The following ARID3A variants were observed in gnomAD, a reference collection of about 807,000 sequenced individuals.
ARID3A encodes the protein AT-rich interaction domain 3A, also known as AT-rich interactive domain-containing protein 3A.
A neutral mutation model predicts 52.7 loss-of-function variants in ARID3A; 11 were observed. That is an observed-to-expected ratio of 0.21 (90% confidence interval 0.13 to 0.35). The LOEUF is 0.35. ARID3A is among the 10% of genes least tolerant of loss of function. The pLI, the probability that ARID3A is intolerant of heterozygous loss-of-function variation, is 1.00. For synonymous variants in ARID3A, 404 were observed against 359.4 expected (o/e 1.12, Z -1.40); for missense variants, 721 against 838.5 (o/e 0.86, Z 1.73).
At chr19:949,225 G>A (rs560818856) in intron 3 of ARID3A, among the ~76,000 whole-genome samples, 81 of 152,232 alleles carry the variant, frequency 5.3e-4, no homozygotes, top group African/African-American at 1.3e-3. Context: ...GCTGGGTCCC[G>A]CCCTGCCCAC....
chr19:969,945 G>A (rs543179434), intron 8 of ARID3A, among the ~76,000 whole-genome samples: 25 of 151,756 alleles, frequency 1.6e-4, no homozygotes, highest in African/African-American at 4.4e-4. Flanking sequence ...CGCCTGCCTC[G>A]GCCTCCCAAA....
chr19:940,374 C>T (rs914537395), intron 3 of ARID3A, among the ~76,000 whole-genome samples: 1 of 151,850 alleles, frequency 6.6e-6, no homozygotes, highest in Non-Finnish European at 1.5e-5. Context: ...TACAGCCGTC[C>T]TGGGCCGCGG....
At position 972,476 on chromosome 19, in the gene ARID3A, A is replaced by G. The variant is rs2038299724; in HGVS notation, c.*411A>G. 1 of 215,298 alleles carries G rather than the reference A, an allele frequency of 4.6e-6. No individual in the cohort carries two copies. Among genetic ancestry groups the G allele is most frequent in the Non-Finnish European group, 9.4e-6 (1 of 106,538 alleles). 13.3% of individuals were successfully genotyped at this position (215,298 alleles called of 1,614,324 possible). Reference sequence around the variant, plus strand: ...AGTGTGGGCCGATCCTGTTTACCTCATACATCCCTGCACTGTGTGTTTTCA... The same window carrying G: ...AGTGTGGGCCGATCCTGTTTACCTCGTACATCCCTGCACTGTGTGTTTTCA... On this transcript the variant is annotated 3_prime_UTR_variant, in exon 9 of 9. Transcript: ENST00000263620.
intron 3 of ARID3A, among the ~76,000 whole-genome samples, chr19:951,743 G>C (rs1277736586): frequency 6.6e-6 from 1 of 152,186 alleles, no homozygotes; most frequent in Non-Finnish European, 1.5e-5. Flanking sequence ...TATTGCTGCT[G>C]CTTCTGAGCA....
At position 929,805 on chromosome 19, in the gene ARID3A, G is replaced by A. The variant is rs375623283; in HGVS notation, c.277G>A (p.Ala93Thr). Residue 93 changes from alanine (A) to threonine (T), a missense_variant, in exon 2 of 9, where the codon GCG becomes ACG. Around this residue, in one of 5 missense-constraint regions of ARID3A, gnomAD observed 349 missense variants for 297.3 expected, o/e 1.17. Coordinates refer to ENST00000263620, the MANE Select transcript of ARID3A (RefSeq NM_005224.3). This position sits in a 1 kb window ranked among gnomAD's most constrained non-coding sequence, Gnocchi z 6.2. ...GCCCCCAGGCTCGGAGGAGGAGGAC[G>A]CGGCCCGGGAGGGGACACCGGGCTC... ...DGPPGSEEEDAAREGTPGSPG... is the reference protein window; with the variant it reads ...DGPPGSEEEDTAREGTPGSPG... 56 of 1,546,358 alleles carry A rather than the reference G, an allele frequency of 3.6e-5. No individual in the cohort carries two copies. Among genetic ancestry groups the A allele is most frequent in the Middle Eastern group, 3.4e-4 (2 of 5,900 alleles).
At chr19:948,623 A>T (rs2037736399) in intron 3 of ARID3A, among the ~76,000 whole-genome samples, 1 of 147,414 alleles carries the variant, frequency 6.8e-6, no homozygotes, top group South Asian at 2.1e-4. Flanking sequence ...TTCCTTCTTC[A>T]TTCCTGCCTC....
rs111301205 is a variant in ARID3A at position 932,684 on chromosome 19, C to T, written c.635C>T (p.Ala212Val). ...PAHPGGAAHV[A>V]PQLQPPDHGD... ...CACCCCGGAGGGGCCGCCCACGTAG[C>T]CCCGCAGCTGCAGCCGCCTGACCAC... The change falls in exon 3 of 9, where the codon GCC becomes GTC. Residue 212 changes from alanine (A) to valine (V), a missense_variant. Transcript: ENST00000263620. 39 of 1,546,614 alleles carry T rather than the reference C, an allele frequency of 2.5e-5. 1 individual carries two copies. In the African/African-American group the frequency reaches 2.6e-4, roughly 10 times the overall value.
Position 929,708 on chromosome 19 carries a change from C to G in ARID3A, c.180C>G (p.Ala60=), listed in dbSNP as rs370801292. 6.4e-7 allele frequency: 1 copy of G among 1,565,022 alleles called. No homozygotes were observed. The highest frequency in any genetic ancestry group is 8.6e-7 in the Non-Finnish European group (1 of 1,163,684). Residue 60 remains alanine (A), a synonymous_variant, in exon 2 of 9, where the codon GCC becomes GCG. Transcript: ENST00000263620. The surrounding 1 kb of genome is among the most constrained non-coding windows in gnomAD (Gnocchi z 6.2). The part of the protein sequence containing the change: ...ESARMQRAQM[A]ALAAMRAAAA... ...CCCGGATGCAGCGGGCTCAGATGGCCGCACTGGCAGCCATGCGGGCTGCAG... is the reference window on the plus strand; with the variant it reads ...CCCGGATGCAGCGGGCTCAGATGGCGGCACTGGCAGCCATGCGGGCTGCAG...
At chr19:927,428 C>T (rs959336105) in intron 1 of ARID3A, among the ~76,000 whole-genome samples, 1 of 152,076 alleles carries the variant, frequency 6.6e-6, no homozygotes, top group Admixed American at 6.5e-5. Flanking sequence ...CCCCCTCCAC[C>T]GGCCCCAACG....
In ARID3A at chr19:964,454, G is replaced by A. The variant is rs778489315; in HGVS notation, c.950+23G>A. 1.1e-5 allele frequency: 17 copies of A among 1,559,432 alleles called. No individual in the cohort carries two copies. The highest frequency in any genetic ancestry group is 5.9e-5 in the South Asian group (5 of 85,274). The stretch of plus-strand genomic sequence containing the variant: ...CCAGTGAGTGGCGGACGGTTGTGCC[G>A]AGGTCGGGCCAGGGCACTCTGAGCA... On this transcript the variant is annotated intron_variant, in intron 5 of 8. Transcript: ENST00000263620. The surrounding 1 kb of genome is among the most constrained non-coding windows in gnomAD (Gnocchi z 5.7).
At chr19:934,060 T>C (rs1016756632) in intron 3 of ARID3A, among the ~76,000 whole-genome samples, 1 of 152,196 alleles carries the variant, frequency 6.6e-6, no homozygotes, top group African/African-American at 2.4e-5. Flanking sequence ...TTAATTTCAT[T>C]AATTTAATTC....
chr19:965,283 G>T, intron 6 of ARID3A: 1 of 611,824 alleles, frequency 1.6e-6, no homozygotes, highest in Non-Finnish European at 2.7e-6. Context: ...CCACACAGGT[G>T]GCAGGCAGAC....
rs1265429952 is a variant in ARID3A, at chr19:942,155, G to A, written c.693+9413G>A. Among the ~76,000 whole-genome samples, 1 of 152,142 alleles carries A rather than the reference G, an allele frequency of 6.6e-6. No homozygotes were observed. The highest frequency in any genetic ancestry group is 2.4e-5 in the African/African-American group (1 of 41,426). On this transcript the variant is annotated intron_variant, in intron 3 of 8. Coordinates refer to ENST00000263620, the MANE Select transcript of ARID3A (RefSeq NM_005224.3). This position sits in a 1 kb window ranked among gnomAD's most constrained non-coding sequence, Gnocchi z 8.1. ...CCAGTGGCCACCGAGCTATGGACAG[G>A]GCCGCTGGGGGTGCACCCCCACCCT...
In ARID3A at chr19:953,189, G is replaced by A. The variant is rs568442474; in HGVS notation, c.694-6903G>A. On this transcript the variant is annotated intron_variant, in intron 3 of 8. Transcript: ENST00000263620. ...CCTCCCCACTCCCAGGTGGCCCTGG[G>A]ACTTATCTTGCACCCTGTCCGCCAG... is the stretch of plus-strand genomic sequence containing the variant. Among the ~76,000 whole-genome samples the A allele has an allele frequency of 1.6e-3, 236 of 152,246 alleles. 1 individual carries two copies. The highest frequency in any genetic ancestry group is 5.6e-3 in the African/African-American group (232 of 41,566).
At chr19:932,040 G>A (rs2037341364) in intron 2 of ARID3A, among the ~76,000 whole-genome samples, 1 of 151,850 alleles carries the variant, frequency 6.6e-6, no homozygotes, top group Non-Finnish European at 1.5e-5. Flanking sequence ...CTGTGGCCCA[G>A]GCTGGAGTGC....
Position 932,674 on chromosome 19 carries a change from G to C in ARID3A, c.625G>C (p.Ala209Pro). The C allele has an allele frequency of 6.5e-7, 1 of 1,545,670 alleles. No homozygotes were observed. Among genetic ancestry groups the C allele is most frequent in the Non-Finnish European group, 8.7e-7 (1 of 1,145,962 alleles). ...GPGPAHPGGA[A>P]HVAPQLQPPD... ...TGGCCCTGCCCACCCCGGAGGGGCC[G>C]CCCACGTAGCCCCGCAGCTGCAGCC... The change falls in exon 3 of 9, where the codon GCC (alanine) becomes CCC (proline). Residue 209 changes from alanine (A) to proline (P), a missense_variant. Physicochemically the swap from Ala to Pro is conservative, Grantham distance 27 (BLOSUM62 -1). Transcript: ENST00000263620.
chr19:962,575 C>CG (rs1236615710), intron 4 of ARID3A, among the ~76,000 whole-genome samples: 4 of 133,696 alleles, frequency 3.0e-5, no homozygotes, highest in Non-Finnish European at 4.6e-5. Flanking sequence ...AGTGCAATGG[C>CG]GGGGTCTCGG....
In ARID3A at chr19:944,349, T is replaced by TCTGC. The variant is rs2037630170; in HGVS notation, c.693+11608_693+11611dup. Among the ~76,000 whole-genome samples the TCTGC allele has an allele frequency of 2.0e-5, 3 of 152,026 alleles. No homozygotes were observed. The South Asian group carries it at 6.3e-4, about 32-fold the overall frequency. On this transcript the variant is annotated intron_variant, in intron 3 of 8. Coordinates refer to ENST00000263620, the MANE Select transcript of ARID3A (RefSeq NM_005224.3). This position sits in a 1 kb window ranked among gnomAD's most constrained non-coding sequence, Gnocchi z 5.9. Reference sequence around the variant, plus strand: ...GGGTGTGTGTGTGTGTGTGTGTGTGTCTGCGTGGGAGTGTCTGGCTGTGTG... The same window carrying TCTGC: ...GGGTGTGTGTGTGTGTGTGTGTGTGTCTGCCTGCGTGGGAGTGTCTGGCTGTGTG...
chr19:954,830 G>A (rs958771420), intron 3 of ARID3A, among the ~76,000 whole-genome samples: 30 of 152,074 alleles, frequency 2.0e-4, no homozygotes, highest in Admixed American at 3.9e-4. Flanking sequence ...GGCTGATGGG[G>A]GGCGGTGGGG....
Sources: gnomAD v4.1 joint callset for allele counts (sites outside exome capture counted in the v4.1 genomes callset) on GRCh38, gnomAD v4.1.1 for gene constraint, gnomAD v4.1.1 regional missense constraint, Gnocchi (gnomAD v3.1) non-coding constraint, MANE v1.5 for transcripts, NCBI Gene and HGNC (gene_info 2026-07-23, HGNC 2026-07-21) for gene names.